The following TSC2 variants were observed in gnomAD, a reference collection of about 807,000 sequenced individuals.
TSC2 encodes the protein tuberin.
Under a neutral mutation model 202.2 loss-of-function variants are expected in TSC2, and 29 were observed. The ratio of observed to expected loss-of-function variants is 0.14; its 90% CI spans 0.11 to 0.20. The LOEUF (loss-of-function observed/expected upper bound fraction) is 0.20, where lower values mean the gene tolerates loss of function less well. Ranked by LOEUF, TSC2 falls within the 10% of genes least tolerant of loss-of-function variation. TSC2 has a pLI of 1.00. For missense variants in TSC2, 2,429 were observed against 2,420.0 expected, an observed-to-expected ratio of 1.00 and a Z score of -0.08; for synonymous variants, 1,349 against 1,044.0, an observed-to-expected ratio of 1.29 and a Z score of -5.63.
Position 2,065,582 on chromosome 16 carries a change from G to C in TSC2, c.1663G>C (p.Ala555Pro), listed in dbSNP as rs763183991. 5 of 1,613,860 alleles carry C rather than the reference G, an allele frequency of 3.1e-6. No homozygotes were observed. Among genetic ancestry groups the C allele is most frequent in the Admixed American group, 3.3e-5 (2 of 60,014 alleles). Residue 555 changes from alanine (A) to proline (P), a missense_variant, in exon 16 of 42, where the codon GCC (alanine) becomes CCC (proline). Ala to Pro is a conservative substitution (Grantham distance 27). Coordinates refer to ENST00000219476, the MANE Select transcript of TSC2 (RefSeq NM_000548.5). The stretch of plus-strand genomic sequence containing the variant: ...AGAAAGGGATGTGGCCGCATACTCG[G>C]CCTCCTTGGAGGATGTGAAGACAGC... ...LEERDVAAYSASLEDVKTAVL... is the reference protein window; with the variant it reads ...LEERDVAAYSPSLEDVKTAVL...
At position 2,089,022 on chromosome 16, in the gene TSC2, C is replaced by T; in HGVS notation, c.*412C>T. On this transcript the variant is annotated 3_prime_UTR_variant, in exon 42 of 42. Coordinates refer to ENST00000219476, the MANE Select transcript of TSC2 (RefSeq NM_000548.5). Reference sequence around the variant, plus strand: ...GACCTGATGCCAGCAGGCCTGGGCGCTGCTCTCTTGCTACCTGGCCTGGGG... The same window carrying T: ...GACCTGATGCCAGCAGGCCTGGGCGTTGCTCTCTTGCTACCTGGCCTGGGG... 1 of 214,962 alleles carries T rather than the reference C, an allele frequency of 4.7e-6. No individual in the cohort carries two copies. The highest frequency in any genetic ancestry group is 9.4e-6 in the Non-Finnish European group (1 of 105,852). The allele number at this position is 214,962 out of a possible 1,614,324, so 13.3% of individuals were successfully genotyped here.
At chr16:2,087,035 T>C in intron 38 of TSC2, 164 bp downstream of exon 38, 1 of 1,052,306 alleles carries the variant, frequency 9.5e-7, no homozygotes, top group Non-Finnish European at 1.4e-6. Flanking sequence ...GAGCCTGCGT[T>C]GTGTCCTCTG....
At chr16:2,049,582 TG>T (rs1178987738) in intron 2 of TSC2, among the ~76,000 whole-genome samples, 1 of 151,118 alleles carries the variant, frequency 6.6e-6, no homozygotes, top group Non-Finnish European at 1.5e-5. Context: ...CCCAGCACTT[TG>T]GGAGGCCGAG....
At chr16:2,058,723 C>A (rs373618207) in intron 9 of TSC2, 24 bp from the exon 10 acceptor site, 2 of 1,567,078 alleles carry the variant, frequency 1.3e-6, no homozygotes, top group East Asian at 4.7e-5. Flanking sequence ...GCTCACATTC[C>A]GTCTCTCTGG....
chr16:2,086,136 G>A (rs2151567082), intron 36 of TSC2, 57 bp from the exon 37 acceptor site: 4 of 1,604,354 alleles, frequency 2.5e-6, no homozygotes, highest in South Asian at 2.2e-5. Context: ...CCCACCCTCT[G>A]CGGGGCAGGG....
chr16:2,048,846 C>G (rs973368721), intron 2 of TSC2, 93 bp downstream of exon 2: 5 of 1,563,908 alleles, frequency 3.2e-6, no homozygotes, highest in Non-Finnish European at 4.4e-6. Flanking sequence ...AGACGGGTTG[C>G]TGGCAACTGT....
At chr16:2,053,800 C>A (rs774254314) in intron 4 of TSC2, 13 of 522,920 alleles carry the variant, frequency 2.5e-5, no homozygotes. Flanking sequence ...GGCCACTCCC[C>A]TGCTCACTGC....
intron 30 of TSC2, 62 bp downstream of exon 30, chr16:2,080,439 C>A: frequency 6.3e-7 from 1 of 1,578,848 alleles, no homozygotes; most frequent in Non-Finnish European, 8.6e-7. Context: ...GCTGTGGACA[C>A]TCAGGGGCGA....
At chr16:2,075,443 C>T (rs926383623) in intron 22 of TSC2, among the ~76,000 whole-genome samples, 52 of 143,366 alleles carry the variant, frequency 3.6e-4, no homozygotes, top group African/African-American at 1.3e-3. Context: ...AGGAGAATGG[C>T]GTGAACCCAG....
At chr16:2,081,830 C>G (rs769708658) in intron 31 of TSC2, 32 bp downstream of exon 31, 1 of 1,607,688 alleles carries the variant, frequency 6.2e-7, no homozygotes, top group Non-Finnish European at 8.5e-7. Flanking sequence ...GGCACGGGCT[C>G]TGCTCCCACT....
intron 38 of TSC2, 42 bp downstream of exon 38, chr16:2,086,913 G>GC (rs781369456): frequency 1.6e-5 from 25 of 1,553,062 alleles, no homozygotes; most frequent in Non-Finnish European, 2.1e-5. Context: ...CCAGGCAGGT[G>GC]CCCACTGCTG....
At chr16:2,048,421 C>G in intron 1 of TSC2, 166 bp from the exon 2 acceptor site, 1 of 951,702 alleles carries the variant, frequency 1.1e-6, no homozygotes, top group Non-Finnish European at 1.7e-6. Context: ...TCCTAGGTGC[C>G]TGTTTGCGAG....
At position 2,081,811 on chromosome 16, in the gene TSC2, G is replaced by A; in HGVS notation, c.3814+13G>A. On this transcript the variant is annotated intron_variant, in intron 31 of 41. Coordinates refer to ENST00000219476, the MANE Select transcript of TSC2 (RefSeq NM_000548.5). ...CGCTCCAACACAGGTGAGTGGCATG[G>A]CGGGCCTTGGCACGGGCTCTGCTCC... 6.2e-7 allele frequency: 1 copy of A among 1,611,392 alleles called. No individual in the cohort carries two copies. The highest frequency in any genetic ancestry group is 1.3e-5 in the African/African-American group (1 of 75,012).
chr16:2,060,636 C>T (rs1214273975), intron 10 of TSC2, 34 bp from the exon 11 acceptor site: 1 of 1,613,742 alleles, frequency 6.2e-7, no homozygotes, highest in Non-Finnish European at 8.5e-7. Flanking sequence ...GCAAGCAGCT[C>T]TGACCCTGTG....
At position 2,076,476 on chromosome 16, in the gene TSC2, T is replaced by C. The variant is rs2089396082; in HGVS notation, c.2743-15T>C. ...ATTGCCACCCCTCACTGTCTGGGTGTGCTCACTCTGCCAGGGCCTGCGGTC... is the reference window on the plus strand; with the variant it reads ...ATTGCCACCCCTCACTGTCTGGGTGCGCTCACTCTGCCAGGGCCTGCGGTC... On this transcript the variant is annotated splice_polypyrimidine_tract_variant and intron_variant, in intron 24 of 41. Transcript: ENST00000219476. The C allele has an allele frequency of 4.3e-6, 7 of 1,612,990 alleles. No individual in the cohort carries two copies. The East Asian group carries it at 1.3e-4, about 31-fold the overall frequency.
chr16:2,070,345 A>C, intron 16 of TSC2, 111 bp from the exon 17 acceptor site: 15 of 1,581,778 alleles, frequency 9.5e-6, no homozygotes, highest in Non-Finnish European at 1.3e-5. Flanking sequence ...GTGTGTTTTG[A>C]AGCACGCACT....
rs528829897 is a variant in TSC2, at chr16:2,055,668, G to A, written c.599+149G>A. On this transcript the variant is annotated intron_variant, in intron 6 of 41. Transcript: ENST00000219476. ...AGCACTTTGGGAGGCCGAGGCAGGCGGATCACGAGGTCAGGAGTTCGAGAC... is the reference window on the plus strand; with the variant it reads ...AGCACTTTGGGAGGCCGAGGCAGGCAGATCACGAGGTCAGGAGTTCGAGAC... The A allele has an allele frequency of 3.6e-4, 275 of 755,462 alleles. 3 individuals are homozygous for A. Among genetic ancestry groups the A allele is most frequent in the South Asian group, 2.7e-3 (192 of 71,484 alleles). The allele number at this position is 755,462 out of a possible 1,614,324, so 46.8% of individuals were successfully genotyped here.
rs45517162 is a variant in TSC2 at position 2,062,532 on chromosome 16, G to A, written c.1293G>A (p.Ala431=). ...TCCTGAACCTGATCTCCTATAGAGCGCAGTCCATCCACCCGGCCAAGGACG... is the reference window on the plus strand; with the variant it reads ...TCCTGAACCTGATCTCCTATAGAGCACAGTCCATCCACCCGGCCAAGGACG... The part of the protein sequence containing the change: ...SSLLNLISYR[A]QSIHPAKDGW... Residue 431 remains alanine, a synonymous_variant, in exon 13 of 42, where the codon GCG becomes GCA. Coordinates refer to ENST00000219476, the MANE Select transcript of TSC2 (RefSeq NM_000548.5). The A allele has an allele frequency of 4.5e-5, 72 of 1,612,322 alleles. 1 individual carries two copies. In the Middle Eastern group the frequency reaches 8.3e-4, roughly 19 times the overall value.
chr16:2,065,317 G>GCAGGAGA, intron 15 of TSC2: 1 of 583,666 alleles, frequency 1.7e-6, no homozygotes, highest in Admixed American at 2.5e-5. Context: ...GGAGGCTGAG[G>GCAGGAGA]CAGGAGAATG....
Sources: gnomAD v4.1 joint callset for allele counts (sites outside exome capture counted in the v4.1 genomes callset) on GRCh38, gnomAD v4.1.1 for gene constraint, MANE v1.5 for transcripts, NCBI Gene and HGNC (gene_info 2026-07-23, HGNC 2026-07-21) for gene names.